Variants in NEGR1 observed in about 807,000 individuals in gnomAD.
The protein encoded by NEGR1 is IgLON family member 4.
A neutral mutation model predicts 40.9 loss-of-function variants in NEGR1; 10 were observed. The ratio of observed to expected loss-of-function variants is 0.24; its 90% CI spans 0.15 to 0.42. The LOEUF is 0.42. Ranked by LOEUF, NEGR1 falls within the 10% of genes least tolerant of loss-of-function variation. NEGR1 has a pLI of 1.00. For synonymous variants in NEGR1, 185 were observed against 166.8 expected, an observed-to-expected ratio of 1.11 and a Z score of -0.84; for missense variants, 352 against 438.9, an observed-to-expected ratio of 0.80 and a Z score of 1.77.
intron 4 of NEGR1, among the ~76,000 whole-genome samples, chr1:71,678,193 A>G (rs1158935841): frequency 6.6e-6 from 1 of 152,204 alleles, no homozygotes; most frequent in African/African-American, 2.4e-5. Flanking sequence ...AAGGAAAGAT[A>G]GGAAGCTCAT....
intron 2 of NEGR1, among the ~76,000 whole-genome samples, chr1:71,810,698 G>A (rs942425743): frequency 6.6e-6 from 1 of 152,014 alleles, no homozygotes; most frequent in African/African-American, 2.4e-5. Context: ...GATACTCAGT[G>A]AGTACTCAGG....
chr1:72,095,427 A>G (rs1648660824), intron 1 of NEGR1, among the ~76,000 whole-genome samples: 1 of 152,106 alleles, frequency 6.6e-6, no homozygotes, highest in Non-Finnish European at 1.5e-5. Flanking sequence ...ATAAGAATCA[A>G]GCAGACTATG....
intron 6 of NEGR1, among the ~76,000 whole-genome samples, chr1:71,519,924 A>G (rs1043215482): frequency 2.6e-5 from 4 of 152,026 alleles, no homozygotes; most frequent in Non-Finnish European, 4.4e-5. Flanking sequence ...TGGGGTTTTT[A>G]AAACTTTCTC....
At chr1:71,753,427 C>T (rs778025869) in intron 3 of NEGR1, among the ~76,000 whole-genome samples, 1 of 152,118 alleles carries the variant, frequency 6.6e-6, no homozygotes, top group Non-Finnish European at 1.5e-5. Flanking sequence ...TGACTACACC[C>T]ACATGAATCC....
At chr1:72,092,186 G>T (rs1388946561) in intron 1 of NEGR1, among the ~76,000 whole-genome samples, 1 of 152,170 alleles carries the variant, frequency 6.6e-6, no homozygotes, top group Non-Finnish European at 1.5e-5. Context: ...CAGGTGGTAT[G>T]TCTGGAAGTG....
intron 1 of NEGR1, among the ~76,000 whole-genome samples, chr1:71,986,708 A>T (rs1570580653): frequency 6.6e-6 from 1 of 152,172 alleles, no homozygotes; most frequent in Non-Finnish European, 1.5e-5. Context: ...AATAAGGTAG[A>T]CCTTTCCCTG....
chr1:71,991,338 A>T (rs1034683061), intron 1 of NEGR1, among the ~76,000 whole-genome samples: 1 of 152,062 alleles, frequency 6.6e-6, no homozygotes, highest in Non-Finnish European at 1.5e-5. Context: ...ATCTGGCTCA[A>T]TCTCAGCTCT....
chr1:71,827,781 G>A (rs1658689401), intron 2 of NEGR1, among the ~76,000 whole-genome samples: 1 of 151,612 alleles, frequency 6.6e-6, no homozygotes, highest in Non-Finnish European at 1.5e-5. Context: ...TATACCGCGA[G>A]AGAGACAGGT....
chr1:71,821,016 A>T (rs1443913971), intron 2 of NEGR1, among the ~76,000 whole-genome samples: 2 of 152,030 alleles, frequency 1.3e-5, no homozygotes, highest in Non-Finnish European at 2.9e-5. Flanking sequence ...AATATGGCCT[A>T]AGGAACTTGG....
chr1:71,808,150 C>T (rs1040332941), intron 2 of NEGR1, among the ~76,000 whole-genome samples: 3 of 152,134 alleles, frequency 2.0e-5, no homozygotes, highest in African/African-American at 7.2e-5. Context: ...ATCACCACCA[C>T]CAAACACCAA....
At chr1:71,845,314 TAAG>T (rs1371101480) in intron 2 of NEGR1, among the ~76,000 whole-genome samples, 1 of 152,080 alleles carries the variant, frequency 6.6e-6, no homozygotes, top group African/African-American at 2.4e-5. Flanking sequence ...TGTGCATAAA[TAAG>T]AAGGCATAAA....
intron 1 of NEGR1, among the ~76,000 whole-genome samples, chr1:71,963,728 A>G (rs1383655434): frequency 6.6e-6 from 1 of 152,194 alleles, no homozygotes; most frequent in Non-Finnish European, 1.5e-5. Context: ...CTGGAGGCTC[A>G]GACATATTTT....
intron 2 of NEGR1, among the ~76,000 whole-genome samples, chr1:71,930,156 T>C (rs976041026): frequency 6.9e-6 from 1 of 145,172 alleles, no homozygotes; most frequent in Non-Finnish European, 1.5e-5. Context: ...ATTTTTAAAT[T>C]TTTTTTTTAC....
chr1:71,505,343 G>C (rs556052639), intron 6 of NEGR1, among the ~76,000 whole-genome samples: 2 of 151,458 alleles, frequency 1.3e-5, no homozygotes, highest in Non-Finnish European at 2.9e-5. Flanking sequence ...GTGCAGTGGC[G>C]CTATCTTGGC....
At position 71,698,078 on chromosome 1, in the gene NEGR1, C is replaced by T. The variant is rs201170592; in HGVS notation, c.597G>A (p.Gly199=). ...CATTTTCCGCACTGCATTCATATTC[C>T]CCAGCCTGGTCCCTTGTAATTCCAT... ...DIYGITRDQA[G]EYECSAENDV... The change falls in exon 4 of 7, where the codon GGG becomes GGA. Residue 199 remains glycine, a synonymous_variant. Transcript: ENST00000357731. The T allele has an allele frequency of 4.2e-4, 680 of 1,611,158 alleles. 2 individuals are homozygous for T. The highest frequency in any genetic ancestry group is 1.5e-3 in the Middle Eastern group (9 of 6,064).
At chr1:72,060,904 A>G (rs2100493178) in intron 1 of NEGR1, among the ~76,000 whole-genome samples, 1 of 151,526 alleles carries the variant, frequency 6.6e-6, no homozygotes, top group African/African-American at 2.4e-5. Context: ...TTTTTCCCTC[A>G]GCAACAGAGC....
intron 4 of NEGR1, among the ~76,000 whole-genome samples, chr1:71,662,796 A>C (rs553682478): frequency 6.6e-6 from 1 of 151,990 alleles, no homozygotes; most frequent in African/African-American, 2.4e-5. Context: ...ACTTTTAAAA[A>C]TGTAACTAAA....
intron 1 of NEGR1, among the ~76,000 whole-genome samples, chr1:72,107,785 G>A (rs1213796327): frequency 6.6e-6 from 1 of 150,728 alleles, no homozygotes; most frequent in African/African-American, 2.4e-5. Flanking sequence ...ACCATGTGTG[G>A]TGGATGTACA....
rs1569824886 is a variant in NEGR1, at chr1:71,398,610, T to G, written c.*8836A>C. 1.3e-5 allele frequency: 2 copies of G among 152,264 alleles called. No homozygotes were observed. The highest frequency in any genetic ancestry group is 4.8e-5 in the African/African-American group (2 of 41,462). 9.4% of individuals were successfully genotyped at this position (152,264 alleles called of 1,614,324 possible). A position where few individuals can be genotyped will look rare whatever the true frequency, so the allele number is the denominator to read the frequency against. ...TGCTCATAGGCAGAAGAGACTTGCC[T>G]TGTCTCAGATGAGACTTTAGACTGT... On this transcript the variant is annotated 3_prime_UTR_variant, in exon 7 of 7. Coordinates refer to ENST00000357731, the MANE Select transcript of NEGR1 (RefSeq NM_173808.3).
Sources: gnomAD v4.1 joint callset for allele counts (sites outside exome capture counted in the v4.1 genomes callset) on GRCh38, gnomAD v4.1.1 for gene constraint, MANE v1.5 for transcripts, NCBI Gene and HGNC (gene_info 2026-07-23, HGNC 2026-07-21) for gene names.